ADGRE3: variants seen among roughly 807,000 people sequenced by gnomAD.
The protein encoded by ADGRE3 is EGF-like module receptor 3.
ADGRE3 carries 88 observed loss-of-function variants against 80.1 expected under a neutral mutation model. The ratio of observed to expected loss-of-function variants is 1.10; its 90% CI spans 0.93 to 1.31. ADGRE3 has a LOEUF of 1.31. Among genes scored for constraint, ADGRE3 ranks in the 40% most tolerant of loss-of-function variants. The pLI is 0.00. For synonymous variants in ADGRE3, 281 were observed against 294.8 expected (o/e 0.95, Z 0.48); for missense variants, 715 against 776.5 (o/e 0.92, Z 0.94).
At chr19:14,667,607 G>T (rs573066547) in intron 2 of ADGRE3, among the ~76,000 whole-genome samples, 3 of 151,934 alleles carry the variant, frequency 2.0e-5, no homozygotes, top group Non-Finnish European at 2.9e-5. Context: ...ACCAAACACC[G>T]CATGTTCTCA....
rs571110477 is a variant in ADGRE3 at position 14,625,594 on chromosome 19, C to T, written c.1818G>A (p.Gln606=). The T allele has an allele frequency of 5.0e-6, 8 of 1,607,510 alleles. No homozygotes were observed. The highest frequency in any genetic ancestry group is 1.3e-5 in the African/African-American group (1 of 74,886). ...CTCTAAACCACTTTTGATATTGTTT[C>T]TGGACCTGGAACATCAAAGGAAATA... ...LVYCLLSQQV[Q]KQYQKWFREI... Residue 606 remains glutamine (Q), a synonymous_variant, in exon 15 of 16, where the codon CAG becomes CAA. Coordinates refer to ENST00000253673, the MANE Select transcript of ADGRE3 (RefSeq NM_032571.5).
chr19:14,638,336 A>T lies in ADGRE3; in HGVS notation c.1253T>A (p.Leu418Gln). ...CAAAGCACCGGCGATGATGGAGCAC[A>T]GCACCTGGGGGAGGAGAAAGGGATG... ...VGIDRTEPKV[L>Q]CSIIAGALHY... Residue 418 changes from leucine to glutamine, a missense_variant, in exon 11 of 16, where the codon CTG (leucine) becomes CAG (glutamine). Leu to Gln is a moderately radical substitution (Grantham distance 113). Coordinates refer to ENST00000253673, the MANE Select transcript of ADGRE3 (RefSeq NM_032571.5). 6.2e-7 allele frequency: 1 copy of T among 1,613,560 alleles called. No homozygotes were observed. The highest frequency in any genetic ancestry group is 8.5e-7 in the Non-Finnish European group (1 of 1,179,482).
At chr19:14,633,568 G>A (rs1378047837) in intron 11 of ADGRE3, among the ~76,000 whole-genome samples, 2 of 151,768 alleles carry the variant, frequency 1.3e-5, no homozygotes, top group African/African-American at 4.8e-5. Flanking sequence ...AGCTGGGCGT[G>A]GTGGCGGGCA....
At chr19:14,607,535 GTTTTA>G in the ADGRE3 span, among the ~76,000 whole-genome samples, 1 of 148,930 alleles carries the variant, frequency 6.7e-6, no homozygotes, top group African/African-American at 2.5e-5. Context: ...AGCTCTACTT[GTTTTA>G]TTTTATTTTA....
At chr19:14,645,221 A>G (rs1971365595) in intron 8 of ADGRE3, among the ~76,000 whole-genome samples, 1 of 152,164 alleles carries the variant, frequency 6.6e-6, no homozygotes, top group Non-Finnish European at 1.5e-5. Context: ...TGAAGCTCTC[A>G]TGTTTTTCCC....
In ADGRE3 at chr19:14,655,106, T is replaced by A; in HGVS notation, c.453A>T (p.Thr151=). The A allele has an allele frequency of 6.2e-7, 1 of 1,614,168 alleles. No homozygotes were observed. Among genetic ancestry groups the A allele is most frequent in the Non-Finnish European group, 8.5e-7 (1 of 1,180,014 alleles). Residue 151 remains threonine, a synonymous_variant, in exon 6 of 16, where the codon ACA becomes ACT. Transcript: ENST00000253673. ...TGGATGAGATTTCTTGTCTCCCTTC[T>A]GTTCTCCATAAAGTCTGATTGGTGA... is the stretch of plus-strand genomic sequence containing the variant. The part of the protein sequence containing the change: ...SLLTNQTLWR[T]EGRQEISSTA...
intron 13 of ADGRE3, 27 bp from the exon 14 acceptor site, chr19:14,630,234 A>T (rs777685361): frequency 1.3e-6 from 2 of 1,577,984 alleles, no homozygotes; most frequent in African/African-American, 1.4e-5. Context: ...AGAGATTAGG[A>T]TGTCAAAAAA....
chr19:14,602,681 G>A, the ADGRE3 span, among the ~76,000 whole-genome samples: 126,563 of 152,082 alleles, frequency 0.83, 53,401 homozygotes, highest in African/African-American at 0.95. Flanking sequence ...CCTGTATGTC[G>A]TGTCCCTTCT....
chr19:14,669,332 G>T (rs949854153), intron 1 of ADGRE3, among the ~76,000 whole-genome samples: 1 of 152,112 alleles, frequency 6.6e-6, no homozygotes, highest in Non-Finnish European at 1.5e-5. Flanking sequence ...AATATTGTAT[G>T]TTCTCACTTA....
At chr19:14,636,570 C>G (rs371747121) in intron 11 of ADGRE3, among the ~76,000 whole-genome samples, 17 of 152,200 alleles carry the variant, frequency 1.1e-4, no homozygotes, top group African/African-American at 3.9e-4. Context: ...CCCAAACCCT[C>G]TCCTTCTGAA....
intron 13 of ADGRE3, among the ~76,000 whole-genome samples, chr19:14,631,523 A>C (rs2146815116): frequency 6.6e-6 from 1 of 151,366 alleles, no homozygotes; most frequent in African/African-American, 2.4e-5. Flanking sequence ...ATATATGTAC[A>C]TATATATTTT....
At chr19:14,636,009 CTTT>C (rs1284418021) in intron 11 of ADGRE3, among the ~76,000 whole-genome samples, 368 of 14,714 alleles carry the variant, frequency 0.025, 26 homozygotes, top group Middle Eastern at 0.042. Flanking sequence ...CTTTCTCTTT[CTTT>C]CTTCCTTCCT....
chr19:14,608,598 A>G, the ADGRE3 span, among the ~76,000 whole-genome samples: 1 of 151,900 alleles, frequency 6.6e-6, no homozygotes, highest in Non-Finnish European at 1.5e-5. Context: ...TGGTTGGGAG[A>G]AAAAAGGGAG....
At chr19:14,620,637 T>C (rs1970582126) in intron 15 of ADGRE3, among the ~76,000 whole-genome samples, 1 of 127,526 alleles carries the variant, frequency 7.8e-6, no homozygotes, top group Non-Finnish European at 1.6e-5. Context: ...TGGAGTGCAG[T>C]GGCCTGATCT....
chr19:14,624,470 T>C (rs866520462), intron 15 of ADGRE3, among the ~76,000 whole-genome samples: 1 of 151,858 alleles, frequency 6.6e-6, no homozygotes, highest in Non-Finnish European at 1.5e-5. Flanking sequence ...AAAAGGAAAA[T>C]ATAGGCCGGG....
At chr19:14,611,059 A>G in the ADGRE3 span, 1 of 149,314 alleles carries the variant, frequency 6.7e-6, no homozygotes, top group Non-Finnish European at 1.5e-5. Flanking sequence ...TTTCCCTTTG[A>G]GCTAGACCTC....
chr19:14,647,276 C>A lies in ADGRE3; in HGVS notation c.787G>T (p.Val263Leu). ...FFEEMDKKDQ[V>L]YLNSQVVSAA... ...CTCACAACCTGAGAGTTCAGATACA[C>A]TTGATCTTTCTTATCCATCTCTTCA... is the stretch of plus-strand genomic sequence containing the variant. The change falls in exon 8 of 16, where the codon GTG (valine) becomes TTG (leucine). Residue 263 changes from valine (V) to leucine (L), a missense_variant. Val to Leu is a conservative substitution (Grantham distance 32, BLOSUM62 1). Coordinates refer to ENST00000253673, the MANE Select transcript of ADGRE3 (RefSeq NM_032571.5). The A allele has an allele frequency of 6.2e-7, 1 of 1,613,316 alleles. No individual in the cohort carries two copies. The highest frequency in any genetic ancestry group is 1.3e-5 in the African/African-American group (1 of 75,010).
At chr19:14,672,975 A>G (rs1972295313) in intron 1 of ADGRE3, among the ~76,000 whole-genome samples, 2 of 152,174 alleles carry the variant, frequency 1.3e-5, no homozygotes, top group Non-Finnish European at 2.9e-5. Context: ...ATCCAGTGAT[A>G]TGGGCTAAAA....
At position 14,641,547 on chromosome 19, in the gene ADGRE3, C is replaced by T. The variant is rs1258750065; in HGVS notation, c.1120G>A (p.Ala374Thr). ...LSVSLLCLLL[A>T]ALTFLLCKAI... ...TTACACAGGAGAAAAGTGAGGGCCGCCAGGAGGAGGCACAGCAGAGAGACG... is the reference window on the plus strand; with the variant it reads ...TTACACAGGAGAAAAGTGAGGGCCGTCAGGAGGAGGCACAGCAGAGAGACG... Residue 374 changes from alanine (A) to threonine (T), a missense_variant, in exon 10 of 16, where the codon GCG becomes ACG. By Grantham distance (58) the Ala-to-Thr change is moderately conservative. Transcript: ENST00000253673. The T allele has an allele frequency of 5.0e-6, 8 of 1,614,044 alleles. No individual in the cohort carries two copies. The highest frequency in any genetic ancestry group is 6.8e-6 in the Non-Finnish European group (8 of 1,179,950).
Sources: allele counts gnomAD v4.1 joint callset (sites outside exome capture counted in the v4.1 genomes callset), GRCh38; gene constraint gnomAD v4.1.1; transcripts MANE v1.5; gene names NCBI Gene and HGNC (gene_info 2026-07-23, HGNC 2026-07-21).